Variants in ITFG1 observed in about 807,000 individuals in gnomAD.
The protein encoded by ITFG1 is T-cell immunomodulatory protein.
ITFG1 carries 34 observed loss-of-function variants against 81.8 expected under a neutral mutation model. The ratio of observed to expected loss-of-function variants is 0.42; its 90% confidence interval spans 0.32 to 0.55. ITFG1 has a LOEUF of 0.55. ITFG1 is among the 20% of genes least tolerant of loss of function. The probability of loss-of-function intolerance (pLI) is 0.17; values close to 1 mark genes in which losing one functional copy is unlikely to be tolerated. For synonymous variants in ITFG1, 285 were observed against 270.6 expected (o/e 1.05, Z -0.52); for missense variants, 672 against 755.4 (o/e 0.89, Z 1.29).
intron 8 of ITFG1, among the ~76,000 whole-genome samples, chr16:47,338,300 C>T (rs893443293): frequency 7.2e-5 from 11 of 152,106 alleles, no homozygotes; most frequent in South Asian, 2.1e-4. Context: ...AATCCCTACT[C>T]GGGAGGCTGA....
chr16:47,311,202 A>G (rs756457419), intron 10 of ITFG1, 38 bp downstream of exon 10: 1 of 1,477,674 alleles, frequency 6.8e-7, no homozygotes, highest in African/African-American at 1.4e-5. Flanking sequence ...TTTCTCACAT[A>G]GTTTACAAAT....
At chr16:47,302,478 C>G (rs181809957) in intron 10 of ITFG1, among the ~76,000 whole-genome samples, 1 of 152,054 alleles carries the variant, frequency 6.6e-6, no homozygotes, top group African/African-American at 2.4e-5. Flanking sequence ...TCACAGCCCT[C>G]GCTTGCTCTC....
chr16:47,318,798 G>T (rs1157394526), intron 8 of ITFG1, among the ~76,000 whole-genome samples: 1 of 152,020 alleles, frequency 6.6e-6, no homozygotes, highest in Non-Finnish European at 1.5e-5. Flanking sequence ...GAATTGCCTG[G>T]CTTTAAAATA....
intron 10 of ITFG1, among the ~76,000 whole-genome samples, chr16:47,309,271 G>A (rs1967220294): frequency 6.6e-6 from 1 of 151,912 alleles, no homozygotes; most frequent in African/African-American, 2.4e-5. Context: ...GTTTCACCAT[G>A]TTGGCCAGGA....
Position 47,258,625 on chromosome 16 carries a change from TACTC to T in ITFG1, c.1330+3_1330+6del. Reference sequence around the variant, plus strand: ...AGAACAAAATTAAATGTTAGTACTTTACTCACCAATAACTTTAACAAAATAAGCA... The same window carrying T: ...AGAACAAAATTAAATGTTAGTACTTTACCAATAACTTTAACAAAATAAGCA... On this transcript the variant is annotated splice_donor_5th_base_variant and intron_variant, in intron 12 of 17. Coordinates refer to ENST00000320640, the MANE Select transcript of ITFG1 (RefSeq NM_030790.5). 1 of 1,186,104 alleles carries T rather than the reference TACTC, an allele frequency of 8.4e-7. No homozygotes were observed. The highest frequency in any genetic ancestry group is 2.4e-5 in the East Asian group (1 of 42,518). 73.5% of individuals were successfully genotyped at this position (1,186,104 alleles called of 1,614,324 possible).
chr16:47,224,367 C>G (rs1053601598), intron 13 of ITFG1, among the ~76,000 whole-genome samples: 1 of 152,146 alleles, frequency 6.6e-6, no homozygotes, highest in Non-Finnish European at 1.5e-5. Context: ...CTGAAAATCT[C>G]TCACTTATTT....
At chr16:47,295,597 G>C (rs998112611) in intron 10 of ITFG1, among the ~76,000 whole-genome samples, 1 of 152,154 alleles carries the variant, frequency 6.6e-6, no homozygotes, top group African/African-American at 2.4e-5. Flanking sequence ...TGTGAGCATA[G>C]AGTTGTTCAT....
chr16:47,352,881 A>C (rs1029037688), intron 8 of ITFG1, among the ~76,000 whole-genome samples: 6 of 152,248 alleles, frequency 3.9e-5, no homozygotes, highest in African/African-American at 1.4e-4. Context: ...TGCAGCCATA[A>C]AAAATGATGA....
At position 47,178,467 on chromosome 16, in the gene ITFG1, A is replaced by C. The variant is rs80098197; in HGVS notation, c.1454-15803T>G. Among the ~76,000 whole-genome samples the C allele has an allele frequency of 2.4e-4, 36 of 152,278 alleles. No individual in the cohort carries two copies. The East Asian group carries it at 3.9e-3, about 16-fold the overall frequency. Reference sequence around the variant, plus strand: ...CTTTGACAAACCTGACAAAAACAAGAAATGGGGAAAGGATTCCCTATTTAA... The same window carrying C: ...CTTTGACAAACCTGACAAAAACAAGCAATGGGGAAAGGATTCCCTATTTAA... On this transcript the variant is annotated intron_variant, in intron 14 of 17. Transcript: ENST00000320640.
Position 47,266,461 on chromosome 16 carries a change from G to A in ITFG1, c.1071-5766C>T, listed in dbSNP as rs180913040. Reference sequence around the variant, plus strand: ...TTGAACTCCTGACTTCAAGTGATCTGCCCACCTGGGCCTCCCAAAGAACTG... The same window carrying A: ...TTGAACTCCTGACTTCAAGTGATCTACCCACCTGGGCCTCCCAAAGAACTG... On this transcript the variant is annotated intron_variant, in intron 10 of 17. Transcript: ENST00000320640. Among the ~76,000 whole-genome samples the A allele has an allele frequency of 3.9e-3, 595 of 152,250 alleles. 4 individuals carry two copies. The highest frequency in any genetic ancestry group is 7.0e-3 in the Non-Finnish European group (475 of 68,006).
At chr16:47,233,005 AT>A (rs990472081) in intron 13 of ITFG1, among the ~76,000 whole-genome samples, 1 of 152,230 alleles carries the variant, frequency 6.6e-6, no homozygotes, top group African/African-American at 2.4e-5. Flanking sequence ...AGTTAAAAAA[AT>A]CAAGATAAAG....
chr16:47,342,939 C>A (rs1409895575), intron 8 of ITFG1, among the ~76,000 whole-genome samples: 1 of 152,046 alleles, frequency 6.6e-6, no homozygotes, highest in Non-Finnish European at 1.5e-5. Context: ...CCATCACTTT[C>A]AATGCAATCA....
intron 6 of ITFG1, among the ~76,000 whole-genome samples, chr16:47,425,149 T>C (rs187125691): frequency 1.3e-5 from 2 of 152,210 alleles, no homozygotes; most frequent in East Asian, 3.9e-4. Flanking sequence ...GCCACAGCAA[T>C]GGTGGATGCT....
intron 6 of ITFG1, among the ~76,000 whole-genome samples, chr16:47,376,412 A>AT (rs1047817591): frequency 6.6e-5 from 10 of 152,302 alleles, no homozygotes; most frequent in African/African-American, 2.2e-4. Context: ...TATGTTTCAA[A>AT]TTTTCAGTAA....
chr16:47,233,397 G>GCTT (rs1409129729), intron 13 of ITFG1, among the ~76,000 whole-genome samples: 2 of 152,144 alleles, frequency 1.3e-5, no homozygotes, highest in Admixed American at 6.5e-5. Context: ...GTGTAGACTA[G>GCTT]CTTCAGTGTT....
In ITFG1 at chr16:47,328,517, G is replaced by A. The variant is rs1382620667; in HGVS notation, c.803-14694C>T. ...AACCATATATAACTTAAAATTTGGA[G>A]TAAATGTGATAGTTGAGAAGAAGGA... On this transcript the variant is annotated intron_variant, in intron 8 of 17. Coordinates refer to ENST00000320640, the MANE Select transcript of ITFG1 (RefSeq NM_030790.5). Among the ~76,000 whole-genome samples, 3 of 152,022 alleles carry A rather than the reference G, an allele frequency of 2.0e-5. No individual in the cohort carries two copies. The East Asian group carries it at 5.8e-4, about 29-fold the overall frequency.
At chr16:47,371,337 T>C (rs1356149794) in intron 7 of ITFG1, among the ~76,000 whole-genome samples, 1 of 152,218 alleles carries the variant, frequency 6.6e-6, no homozygotes, top group Non-Finnish European at 1.5e-5. Flanking sequence ...ATGCTCAGTA[T>C]AGTGCCTAGC....
intron 14 of ITFG1, among the ~76,000 whole-genome samples, chr16:47,178,249 C>T (rs1965054348): frequency 6.6e-6 from 1 of 152,192 alleles, no homozygotes; most frequent in Admixed American, 6.5e-5. Flanking sequence ...GCCTGTTCAA[C>T]TAAGGCACAC....
intron 10 of ITFG1, among the ~76,000 whole-genome samples, chr16:47,310,184 T>C (rs891954097): frequency 6.6e-6 from 1 of 152,216 alleles, no homozygotes; most frequent in Non-Finnish European, 1.5e-5. Flanking sequence ...GACTCTCCCA[T>C]ACTTTTCTAT....
Sources: allele counts gnomAD v4.1 joint callset (sites outside exome capture counted in the v4.1 genomes callset), GRCh38; gene constraint gnomAD v4.1.1; transcripts MANE v1.5; gene names NCBI Gene and HGNC (gene_info 2026-07-23, HGNC 2026-07-21).